MERTK: variants seen among roughly 807,000 people sequenced by gnomAD.
MERTK encodes the protein tyrosine-protein kinase Mer.
Under a neutral mutation model 99.3 loss-of-function variants are expected in MERTK, and 69 were observed. The observed-to-expected ratio is 0.70, with a 90% CI of 0.57 to 0.85. MERTK has a LOEUF of 0.85. MERTK is among the 40% of genes least tolerant of loss of function. The probability of loss-of-function intolerance (pLI) is 0.00; values close to 1 mark genes in which losing one functional copy is unlikely to be tolerated. For missense variants in MERTK, 1,125 were observed against 1,249.4 expected, an observed-to-expected ratio of 0.90 and a Z score of 1.50; for synonymous variants, 426 against 467.6, an observed-to-expected ratio of 0.91 and a Z score of 1.15.
intron 4 of MERTK, among the ~76,000 whole-genome samples, chr2:111,957,820 A>T (rs992722777): frequency 1.3e-5 from 2 of 152,204 alleles, no homozygotes; most frequent in African/African-American, 4.8e-5. Flanking sequence ...TGGTAGAAAG[A>T]TGGACACTAG....
chr2:111,904,996 C>G (rs1684110879), intron 1 of MERTK, among the ~76,000 whole-genome samples: 1 of 152,228 alleles, frequency 6.6e-6, no homozygotes, highest in Non-Finnish European at 1.5e-5. Context: ...TTCTATGTCT[C>G]CCACTCCTGC....
At chr2:111,929,036 C>T in intron 1 of MERTK, 84 bp from the exon 2 acceptor site, 2 of 1,461,232 alleles carry the variant, frequency 1.4e-6, no homozygotes, top group Non-Finnish European at 9.6e-7. Context: ...CCAGTGCTCT[C>T]TCTTCTTGGC....
chr2:111,950,416 A>G (rs1415929561), intron 4 of MERTK, among the ~76,000 whole-genome samples: 1 of 152,184 alleles, frequency 6.6e-6, no homozygotes, highest in East Asian at 1.9e-4. Context: ...GTCTTGGATA[A>G]ATGCCTAGGA....
At chr2:111,981,313 T>C (rs1676366808) in intron 7 of MERTK, among the ~76,000 whole-genome samples, 1 of 152,228 alleles carries the variant, frequency 6.6e-6, no homozygotes, top group Non-Finnish European at 1.5e-5. Context: ...CTTTTTACAA[T>C]CTGATTTTTC....
chr2:112,015,872 G>A, intron 15 of MERTK: 1 of 154,376 alleles, frequency 6.5e-6, no homozygotes, highest in Middle Eastern at 5.2e-4. Flanking sequence ...TTTAAGGTTT[G>A]CTTTTTTTGC....
At chr2:112,028,176 A>G in intron 18 of MERTK, 175 bp from the exon 19 acceptor site, 2 of 699,732 alleles carry the variant, frequency 2.9e-6, no homozygotes, top group Admixed American at 2.7e-5. Flanking sequence ...ATACCATGGA[A>G]CATTTACAAA....
At chr2:111,918,400 T>C (rs1047484775) in intron 1 of MERTK, among the ~76,000 whole-genome samples, 8 of 152,202 alleles carry the variant, frequency 5.3e-5, no homozygotes, top group African/African-American at 1.9e-4. Flanking sequence ...GGGAGTGGCA[T>C]GATGGAAAAG....
intron 4 of MERTK, among the ~76,000 whole-genome samples, chr2:111,955,807 C>A (rs1353215783): frequency 2.0e-5 from 3 of 151,992 alleles, no homozygotes; most frequent in Non-Finnish European, 4.4e-5. Context: ...AACCAAATCC[C>A]AAAATAAAGA....
intron 6 of MERTK, among the ~76,000 whole-genome samples, chr2:111,972,161 G>T (rs547591593): frequency 6.6e-6 from 1 of 152,280 alleles, no homozygotes; most frequent in South Asian, 2.1e-4. Context: ...CTCCTGAGTA[G>T]CTGGGACTAC....
intron 18 of MERTK, among the ~76,000 whole-genome samples, chr2:112,022,914 A>T (rs1365278911): frequency 6.6e-6 from 1 of 152,124 alleles, no homozygotes; most frequent in East Asian, 1.9e-4. Flanking sequence ...TAACAATACG[A>T]TTCCTCGGCC....
chr2:111,961,190 CT>C (rs1685243784), intron 4 of MERTK, among the ~76,000 whole-genome samples: 2 of 106,804 alleles, frequency 1.9e-5, no homozygotes, highest in South Asian at 6.6e-4. Flanking sequence ...GAGATGGAGT[CT>C]TGCTCTGTCG....
At chr2:111,991,437 G>C (rs1384965116) in intron 8 of MERTK, among the ~76,000 whole-genome samples, 4 of 152,010 alleles carry the variant, frequency 2.6e-5, no homozygotes, top group African/African-American at 9.7e-5. Flanking sequence ...TGTTGGCCTG[G>C]CTGGCCTCGA....
chr2:112,004,255 GTCTC>G (rs1676935075), intron 13 of MERTK, among the ~76,000 whole-genome samples: 2 of 151,930 alleles, frequency 1.3e-5, no homozygotes, highest in Non-Finnish European at 1.5e-5. Context: ...TTCTCTCACT[GTCTC>G]TCTTTCTCTC....
At chr2:111,912,655 C>T (rs111809798) in intron 1 of MERTK, among the ~76,000 whole-genome samples, 275 of 152,226 alleles carry the variant, frequency 1.8e-3, no homozygotes, top group African/African-American at 6.4e-3. Context: ...TATTTCTTCC[C>T]AAGAGTACTC....
intron 8 of MERTK, among the ~76,000 whole-genome samples, chr2:111,990,885 G>T (rs1302129486): frequency 2.6e-5 from 4 of 152,104 alleles, no homozygotes; most frequent in African/African-American, 9.7e-5. Flanking sequence ...TTTTTGTTAG[G>T]GTTTCTATTC....
chr2:111,962,419 A>C (rs1464588100), intron 4 of MERTK, among the ~76,000 whole-genome samples: 1 of 152,152 alleles, frequency 6.6e-6, no homozygotes, highest in African/African-American at 2.4e-5. Flanking sequence ...AGGCAGGAGA[A>C]TCACTTGAAC....
intron 4 of MERTK, among the ~76,000 whole-genome samples, chr2:111,948,073 C>T (rs1212456506): frequency 6.6e-6 from 1 of 152,194 alleles, no homozygotes; most frequent in Non-Finnish European, 1.5e-5. Flanking sequence ...CCGCACATCA[C>T]TGATGATGCT....
chr2:111,955,198 G>A (rs1467207845), intron 4 of MERTK, among the ~76,000 whole-genome samples: 1 of 152,192 alleles, frequency 6.6e-6, no homozygotes, highest in Non-Finnish European at 1.5e-5. Context: ...ATTGTTTATG[G>A]AACAGGAAGG....
intron 4 of MERTK, among the ~76,000 whole-genome samples, chr2:111,962,838 G>A (rs1388476476): frequency 6.6e-6 from 1 of 152,126 alleles, no homozygotes. Context: ...GAATGACCTT[G>A]ACAGTGAAGG....
Sources: allele counts gnomAD v4.1 joint callset (sites outside exome capture counted in the v4.1 genomes callset), GRCh38; gene constraint gnomAD v4.1.1; transcripts MANE v1.5; gene names NCBI Gene and HGNC (gene_info 2026-07-23, HGNC 2026-07-21).